SLC8A1: variants seen among roughly 807,000 people sequenced by gnomAD.
SLC8A1 encodes the protein sodium/calcium exchanger 1.
SLC8A1 carries 18 observed loss-of-function variants against 68.3 expected under a neutral mutation model. The observed-to-expected ratio is 0.26, with a 90% CI of 0.18 to 0.39. The LOEUF (loss-of-function observed/expected upper bound fraction) is 0.39. SLC8A1 is among the 10% of genes least tolerant of loss of function. The pLI, the probability that SLC8A1 is intolerant of heterozygous loss-of-function variation, is 1.00. For missense variants in SLC8A1, 985 were observed against 1,156.7 expected (o/e 0.85, Z 2.15); for synonymous variants, 475 against 415.5 (o/e 1.14, Z -1.74).
At chr2:40,105,012 A>G (rs2034109715) in exon 8 of SLC8A1, 1 of 152,146 alleles carries the variant, frequency 6.6e-6, no homozygotes, top group Admixed American at 6.5e-5. Context: ...GTGCTTTTGT[A>G]CAAAACTTGT....
chr2:40,238,777 T>G (rs2060799209), intron 2 of SLC8A1, among the ~76,000 whole-genome samples: 1 of 149,552 alleles, frequency 6.7e-6, no homozygotes, highest in Admixed American at 6.6e-5. Context: ...GAGATTTTAC[T>G]TATATAAATT....
intron 1 of SLC8A1, among the ~76,000 whole-genome samples, chr2:40,480,362 A>C (rs569637853): frequency 6.6e-6 from 1 of 152,278 alleles, no homozygotes; most frequent in South Asian, 2.1e-4. Context: ...GTCTTCATTA[A>C]AGGGATTAGT....
At chr2:40,498,508 C>G (rs1281765747) in intron 1 of SLC8A1, among the ~76,000 whole-genome samples, 1 of 152,022 alleles carries the variant, frequency 6.6e-6, no homozygotes, top group South Asian at 2.1e-4. Flanking sequence ...TAAAACCTAT[C>G]AGACAGATAA....
intron 1 of SLC8A1, among the ~76,000 whole-genome samples, chr2:40,467,941 G>A (rs963312890): frequency 6.6e-6 from 1 of 151,874 alleles, no homozygotes; most frequent in Non-Finnish European, 1.5e-5. Flanking sequence ...ATTAAATATG[G>A]GTATAACTTT....
At chr2:40,128,028 G>A (rs1287275577) in intron 7 of SLC8A1, among the ~76,000 whole-genome samples, 3 of 152,208 alleles carry the variant, frequency 2.0e-5, no homozygotes, top group Non-Finnish European at 4.4e-5. Flanking sequence ...GTAATACACA[G>A]CTTATGTTTC....
At chr2:40,392,575 T>C (rs1252761581) in intron 2 of SLC8A1, among the ~76,000 whole-genome samples, 1 of 152,118 alleles carries the variant, frequency 6.6e-6, no homozygotes, top group African/African-American at 2.4e-5. Context: ...CATGGGTAAG[T>C]GCTAATTGCT....
At chr2:40,189,338 C>T (rs190179582) in intron 2 of SLC8A1, among the ~76,000 whole-genome samples, 6 of 152,180 alleles carry the variant, frequency 3.9e-5, no homozygotes, top group Admixed American at 1.3e-4. Context: ...TGTTTATTAT[C>T]GAGACGGAGT....
intron 1 of SLC8A1, among the ~76,000 whole-genome samples, chr2:40,451,662 G>A (rs1702508063): frequency 6.6e-6 from 1 of 150,428 alleles, no homozygotes; most frequent in Non-Finnish European, 1.5e-5. Context: ...CTCACGCCCA[G>A]ACGCACCAGC....
chr2:40,343,334 C>G (rs1668290393), intron 2 of SLC8A1, among the ~76,000 whole-genome samples: 1 of 152,128 alleles, frequency 6.6e-6, no homozygotes, highest in African/African-American at 2.4e-5. Flanking sequence ...TCACCATGAA[C>G]TTAAAACTCA....
At chr2:40,399,422 A>G (rs1688008503) in intron 2 of SLC8A1, among the ~76,000 whole-genome samples, 1 of 152,168 alleles carries the variant, frequency 6.6e-6, no homozygotes, top group Non-Finnish European at 1.5e-5. Flanking sequence ...GGCCACTGCA[A>G]CCTTGCTGCA....
intron 2 of SLC8A1, among the ~76,000 whole-genome samples, chr2:40,305,018 G>A (rs1183953645): frequency 2.0e-5 from 3 of 152,212 alleles, no homozygotes; most frequent in South Asian, 2.1e-4. Flanking sequence ...TGAGGATTCT[G>A]ACTCAGTAGG....
chr2:40,320,768 G>A (rs1013497418), intron 2 of SLC8A1, among the ~76,000 whole-genome samples: 1 of 152,082 alleles, frequency 6.6e-6, no homozygotes, highest in Admixed American at 6.6e-5. Flanking sequence ...AATCTCTTAA[G>A]AGTCTTCTCA....
chr2:40,119,947 G>T (rs1016204274), intron 7 of SLC8A1, among the ~76,000 whole-genome samples: 1 of 152,190 alleles, frequency 6.6e-6, no homozygotes, highest in Non-Finnish European at 1.5e-5. Context: ...GTTCTTTGCA[G>T]ACCTGCCTCA....
intron 1 of SLC8A1, among the ~76,000 whole-genome samples, chr2:40,495,115 A>T (rs1342278972): frequency 1.3e-5 from 2 of 152,044 alleles, no homozygotes; most frequent in Non-Finnish European, 2.9e-5. Flanking sequence ...TAAGCCCTAC[A>T]GGTAAATAAA....
Position 40,221,487 on chromosome 2 carries a change from T to A in SLC8A1, c.1809-43632A>T, listed in dbSNP as rs550689197. ...AAACTGGCACAAGACAAGGATGCCC[T>A]CTCTCACCACTCCTATTCAACATAG... On this transcript the variant is annotated intron_variant, in intron 2 of 7. Transcript: ENST00000406785. Among the ~76,000 whole-genome samples, 59 of 152,246 alleles carry A rather than the reference T, an allele frequency of 3.9e-4. 1 individual carries two copies. Among genetic ancestry groups the A allele is most frequent in the African/African-American group, 1.4e-3 (59 of 41,546 alleles).
chr2:40,339,423 G>C (rs1004984521), intron 2 of SLC8A1, among the ~76,000 whole-genome samples: 3 of 152,152 alleles, frequency 2.0e-5, no homozygotes, highest in African/African-American at 7.2e-5. Context: ...GAGAAGTTGA[G>C]GGCTCTCTAA....
chr2:40,423,108 C>T (rs1048147469), intron 2 of SLC8A1, among the ~76,000 whole-genome samples: 3 of 152,078 alleles, frequency 2.0e-5, no homozygotes, highest in African/African-American at 7.2e-5. Flanking sequence ...TTTAAGTACC[C>T]TTATAATGAT....
At chr2:40,426,591 G>T (rs1171757223) in intron 2 of SLC8A1, among the ~76,000 whole-genome samples, 1 of 151,864 alleles carries the variant, frequency 6.6e-6, no homozygotes, top group East Asian at 1.9e-4. Context: ...GAATAGATAG[G>T]GAAAGACTGC....
At chr2:40,245,075 C>G (rs923156422) in intron 2 of SLC8A1, among the ~76,000 whole-genome samples, 1 of 152,160 alleles carries the variant, frequency 6.6e-6, no homozygotes, top group South Asian at 2.1e-4. Flanking sequence ...ATTGAGCAAC[C>G]TTAAATGGCC....
Sources: gnomAD v4.1 joint callset for allele counts (sites outside exome capture counted in the v4.1 genomes callset) on GRCh38, gnomAD v4.1.1 for gene constraint, MANE v1.5 for transcripts, NCBI Gene and HGNC (gene_info 2026-07-23, HGNC 2026-07-21) for gene names.